The following HDAC9 variants were observed in gnomAD, a reference collection of about 807,000 sequenced individuals.
HDAC9 encodes MEF-2 interacting transcription repressor (MITR) protein.
HDAC9 carries 41 observed loss-of-function variants against 139.4 expected under a neutral mutation model. The observed-to-expected ratio is 0.29, with a 90% CI of 0.23 to 0.38. The LOEUF (loss-of-function observed/expected upper bound fraction) is 0.38, where lower values mean the gene tolerates loss of function less well. HDAC9 is among the 10% of genes least tolerant of loss of function. The probability of loss-of-function intolerance (pLI) is 1.00; values close to 1 mark genes in which losing one functional copy is unlikely to be tolerated. For missense variants in HDAC9, 1,147 were observed against 1,297.0 expected, an observed-to-expected ratio of 0.88 and a Z score of 1.78; for synonymous variants, 517 against 476.2, an observed-to-expected ratio of 1.09 and a Z score of -1.12.
Position 18,608,344 on chromosome 7 carries a change from A to G in HDAC9, c.664+14315A>G, listed in dbSNP as rs553704461. ...ATGTTATTATTAAAAGCAGCACATA[A>G]TAACAGTTTGACGTGACATGTAAGA... On this transcript the variant is annotated intron_variant, in intron 6 of 25. Transcript: ENST00000686413. Among the ~76,000 whole-genome samples the G allele has an allele frequency of 8.8e-4, 134 of 152,208 alleles. 1 individual carries two copies. Among genetic ancestry groups the G allele is most frequent in the African/African-American group, 3.1e-3 (129 of 41,544 alleles).
At chr7:18,964,945 G>A (rs1783753334) in intron 24 of HDAC9, among the ~76,000 whole-genome samples, 1 of 152,212 alleles carries the variant, frequency 6.6e-6, no homozygotes, top group South Asian at 2.1e-4. Context: ...TCCTTTGAAT[G>A]CAATTTGGTT....
intron 2 of HDAC9, among the ~76,000 whole-genome samples, chr7:18,251,110 T>A (rs1463330377): frequency 6.6e-6 from 1 of 152,226 alleles, no homozygotes; most frequent in African/African-American, 2.4e-5. Context: ...TCAATCTAAA[T>A]GACCATCAGT....
At chr7:18,090,121 G>A (rs1253208821) in intron 1 of HDAC9, among the ~76,000 whole-genome samples, 1 of 152,072 alleles carries the variant, frequency 6.6e-6, no homozygotes, top group East Asian at 1.9e-4. Context: ...GAGATAAGTA[G>A]GGTGACATAT....
At chr7:18,981,266 G>A (rs983849944) in intron 25 of HDAC9, among the ~76,000 whole-genome samples, 8 of 152,158 alleles carry the variant, frequency 5.3e-5, no homozygotes, top group Admixed American at 5.2e-4. Context: ...TGAGGAAGAA[G>A]AACATGTGAA....
chr7:18,643,843 A>G (rs1786505572), intron 8 of HDAC9, among the ~76,000 whole-genome samples: 1 of 151,996 alleles, frequency 6.6e-6, no homozygotes, highest in African/African-American at 2.4e-5. Context: ...TCCCTTGGGG[A>G]CCATATCAGG....
rs1417875663 is a variant in HDAC9, at chr7:18,138,269, T to C, written c.-96-23960T>C. On this transcript the variant is annotated intron_variant, in intron 1 of 12. Transcript: ENST00000417496. ...TTCAAAAAACCAGCTCCTGGATTCA[T>C]TCTTTGTAAGGGTTCTAAGGAGACC... Among the ~76,000 whole-genome samples the C allele has an allele frequency of 4.6e-5, 7 of 152,136 alleles. No individual in the cohort carries two copies. In the East Asian group the frequency reaches 1.2e-3, roughly 25 times the overall value.
At chr7:18,333,029 G>A (rs545137970) in intron 1 of HDAC9, among the ~76,000 whole-genome samples, 1 of 151,624 alleles carries the variant, frequency 6.6e-6, no homozygotes, top group African/African-American at 2.4e-5. Flanking sequence ...TGCTGATATT[G>A]TTAGGTATTA....
chr7:18,903,560 G>A (rs1165310522), intron 22 of HDAC9, among the ~76,000 whole-genome samples: 1 of 151,988 alleles, frequency 6.6e-6, no homozygotes, highest in Non-Finnish European at 1.5e-5. Context: ...TTTTACCATC[G>A]TTTCACTGGC....
intron 2 of HDAC9, among the ~76,000 whole-genome samples, chr7:18,562,938 A>T (rs1457888548): frequency 6.6e-6 from 1 of 151,996 alleles, no homozygotes; most frequent in South Asian, 2.1e-4. Flanking sequence ...CAGTGTTGTA[A>T]TTTCGATGTA....
At chr7:18,261,804 T>G (rs1795696162) in intron 2 of HDAC9, among the ~76,000 whole-genome samples, 1 of 152,182 alleles carries the variant, frequency 6.6e-6, no homozygotes, top group South Asian at 2.1e-4. Context: ...GTTGCAGAAA[T>G]AAATGGGCAA....
At chr7:18,951,964 G>A (rs1782828587) in intron 23 of HDAC9, among the ~76,000 whole-genome samples, 1 of 151,714 alleles carries the variant, frequency 6.6e-6, no homozygotes, top group Admixed American at 6.6e-5. Context: ...CTTGCCAACG[G>A]AGAGAATATT....
At chr7:18,450,199 C>T (rs963062836) in intron 1 of HDAC9, among the ~76,000 whole-genome samples, 12 of 152,144 alleles carry the variant, frequency 7.9e-5, no homozygotes, top group African/African-American at 2.9e-4. Flanking sequence ...CTCTGATTGC[C>T]TAGAATAAGC....
At chr7:18,921,216 G>A (rs1803688997) in intron 22 of HDAC9, among the ~76,000 whole-genome samples, 1 of 152,132 alleles carries the variant, frequency 6.6e-6, no homozygotes, top group African/African-American at 2.4e-5. Flanking sequence ...GGCAACAAAA[G>A]CCAAAATTGA....
At chr7:18,615,186 A>C (rs1054013415) in intron 6 of HDAC9, among the ~76,000 whole-genome samples, 4 of 152,232 alleles carry the variant, frequency 2.6e-5, no homozygotes, top group African/African-American at 7.2e-5. Flanking sequence ...ATCTCATACT[A>C]TAAAGGTCAT....
At chr7:18,986,594 C>A (rs1013255539) in intron 25 of HDAC9, among the ~76,000 whole-genome samples, 1 of 148,558 alleles carries the variant, frequency 6.7e-6, no homozygotes, top group African/African-American at 2.5e-5. Flanking sequence ...GTATTTTTTT[C>A]CAATTCTGTG....
intron 12 of HDAC9, among the ~76,000 whole-genome samples, chr7:18,677,659 T>A (rs756703257): frequency 6.6e-6 from 1 of 151,978 alleles, no homozygotes; most frequent in South Asian, 2.1e-4. Flanking sequence ...TTTTTCTAAC[T>A]GTATGCAGCT....
intron 16 of HDAC9, among the ~76,000 whole-genome samples, chr7:18,791,581 C>G (rs1376727242): frequency 5.3e-5 from 8 of 152,148 alleles, no homozygotes; most frequent in Admixed American, 5.2e-4. Flanking sequence ...GATTCCTTCA[C>G]TCTTTAGCTG....
At chr7:18,677,187 T>C (rs1364418447) in intron 12 of HDAC9, among the ~76,000 whole-genome samples, 1 of 151,906 alleles carries the variant, frequency 6.6e-6, no homozygotes, top group Admixed American at 6.6e-5. Context: ...TCTGACACTA[T>C]ATATTAGTTT....
At chr7:18,299,958 A>G (rs889570701) in intron 1 of HDAC9, among the ~76,000 whole-genome samples, 3 of 152,092 alleles carry the variant, frequency 2.0e-5, no homozygotes, top group Admixed American at 6.5e-5. Flanking sequence ...ATTCTTTATT[A>G]TCTCCTTTTG....
Sources: allele counts gnomAD v4.1 joint callset (sites outside exome capture counted in the v4.1 genomes callset), GRCh38; gene constraint gnomAD v4.1.1; transcripts MANE v1.5; gene names NCBI Gene and HGNC (gene_info 2026-07-23, HGNC 2026-07-21).